LRRTM4: variants seen among roughly 807,000 people sequenced by gnomAD.
LRRTM4 encodes the protein leucine rich repeat transmembrane neuronal 4.
A neutral mutation model predicts 47.6 loss-of-function variants in LRRTM4; 25 were observed. That is an observed-to-expected ratio of 0.53 (90% CI 0.38 to 0.73). LRRTM4 has a LOEUF of 0.73. Among genes scored for constraint, LRRTM4 ranks in the 30% least tolerant of loss-of-function variants. LRRTM4 has a pLI of 0.00. For synonymous variants in LRRTM4, 311 were observed against 269.5 expected (o/e 1.15, Z -1.51); for missense variants, 638 against 713.4 (o/e 0.89, Z 1.20).
At chr2:76,803,095 A>G (rs189479802) in intron 3 of LRRTM4, among the ~76,000 whole-genome samples, 4 of 152,256 alleles carry the variant, frequency 2.6e-5, no homozygotes, top group Admixed American at 2.0e-4. Flanking sequence ...TAACTAAAGC[A>G]AAAATAGACA....
intron 3 of LRRTM4, among the ~76,000 whole-genome samples, chr2:77,264,766 A>AC (rs1676007401): frequency 1.3e-5 from 2 of 152,096 alleles, no homozygotes; most frequent in African/African-American, 4.8e-5. Context: ...CCCTTATATA[A>AC]ACACACAACA....
intron 3 of LRRTM4, among the ~76,000 whole-genome samples, chr2:77,138,338 A>G (rs1191943374): frequency 6.6e-6 from 1 of 152,184 alleles, no homozygotes; most frequent in African/African-American, 2.4e-5. Context: ...CCACTCAACT[A>G]CATGGAAACA....
chr2:77,133,154 C>A (rs1671847652), intron 3 of LRRTM4, among the ~76,000 whole-genome samples: 1 of 152,000 alleles, frequency 6.6e-6, no homozygotes, highest in Admixed American at 6.6e-5. Flanking sequence ...TTAAATTATG[C>A]CTTTGTTGAG....
At chr2:76,870,240 A>G (rs1672584246) in intron 3 of LRRTM4, among the ~76,000 whole-genome samples, 2 of 152,136 alleles carry the variant, frequency 1.3e-5, no homozygotes, top group Non-Finnish European at 2.9e-5. Flanking sequence ...GGAAGAATAT[A>G]TAGATTGCAT....
At chr2:76,816,819 G>GTTTTTTTTTTTTTTTTTTTTTT (rs201525166) in intron 3 of LRRTM4, among the ~76,000 whole-genome samples, 5 of 96,566 alleles carry the variant, frequency 5.2e-5, no homozygotes, top group Non-Finnish European at 1.0e-4. Context: ...GAGGTAAAGA[G>GTTTTTTTTTTTTTTTTTTTTTT]TTTTTTTTTT....
chr2:77,307,204 T>C (rs369834152), intron 3 of LRRTM4, among the ~76,000 whole-genome samples: 4 of 151,940 alleles, frequency 2.6e-5, no homozygotes, highest in East Asian at 1.9e-4. Context: ...CCGGCCCCCA[T>C]ATTTTTGTAG....
At chr2:76,969,054 ACTCT>A (rs1309230029) in intron 3 of LRRTM4, among the ~76,000 whole-genome samples, 2 of 151,794 alleles carry the variant, frequency 1.3e-5, no homozygotes, top group African/African-American at 2.4e-5. Context: ...AGGTTGTATT[ACTCT>A]CTATTTCACT....
intron 3 of LRRTM4, among the ~76,000 whole-genome samples, chr2:76,828,184 G>GTGATTGCC (rs1303114424): frequency 6.6e-6 from 1 of 151,944 alleles, no homozygotes; most frequent in Non-Finnish European, 1.5e-5. Context: ...GTGAGGGTAA[G>GTGATTGCC]TGATTGCCTG....
chr2:76,999,989 C>T (rs1391815628), intron 3 of LRRTM4, among the ~76,000 whole-genome samples: 1 of 152,156 alleles, frequency 6.6e-6, no homozygotes, highest in East Asian at 1.9e-4. Flanking sequence ...ATAATAGCTT[C>T]TTTCAGCTAG....
chr2:77,290,573 G>T (rs1415996328), intron 3 of LRRTM4, among the ~76,000 whole-genome samples: 2 of 151,918 alleles, frequency 1.3e-5, no homozygotes, highest in Non-Finnish European at 2.9e-5. Context: ...CAAACACTAA[G>T]AAATGATATA....
At chr2:76,852,521 C>A (rs1034832935) in intron 3 of LRRTM4, among the ~76,000 whole-genome samples, 3 of 152,056 alleles carry the variant, frequency 2.0e-5, no homozygotes, top group Non-Finnish European at 2.9e-5. Context: ...TCTGTACAAC[C>A]CTTGGATGCA....
At chr2:76,862,094 A>C (rs1672328705) in intron 3 of LRRTM4, among the ~76,000 whole-genome samples, 1 of 151,878 alleles carries the variant, frequency 6.6e-6, no homozygotes, top group Non-Finnish European at 1.5e-5. Context: ...AAATAAAGCA[A>C]GTGTTTTATT....
intron 3 of LRRTM4, among the ~76,000 whole-genome samples, chr2:76,929,655 C>T (rs147394870): frequency 1.3e-5 from 2 of 152,072 alleles, no homozygotes; most frequent in African/African-American, 4.8e-5. Context: ...CAAGTGAAGT[C>T]CAGCATAATT....
chr2:77,011,558 TG>T lies in LRRTM4; in HGVS notation c.1552-262643del, dbSNP rs1677876741. On this transcript the variant is annotated intron_variant, in intron 3 of 3. Transcript: ENST00000409884. ...GTGTGTGTGTGTGTGTGTGTGTGTG[TG>T]TGTGTGTGTGTGTGTGTGTAGAATG... Among the ~76,000 whole-genome samples, 17 of 151,556 alleles carry T rather than the reference TG, an allele frequency of 1.1e-4. No homozygotes were observed. In the South Asian group the frequency reaches 3.1e-3, roughly 28 times the overall value.
intron 3 of LRRTM4, among the ~76,000 whole-genome samples, chr2:77,514,568 A>C (rs1226293343): frequency 6.6e-6 from 1 of 152,014 alleles, no homozygotes; most frequent in Non-Finnish European, 1.5e-5. Context: ...ATACACCTAT[A>C]TTGTCACCTT....
At chr2:77,286,864 C>A (rs1676678302) in intron 3 of LRRTM4, among the ~76,000 whole-genome samples, 1 of 152,058 alleles carries the variant, frequency 6.6e-6, no homozygotes, top group Non-Finnish European at 1.5e-5. Context: ...ATTTTATTGA[C>A]TGTCTTAGAT....
chr2:76,903,919 T>A (rs1401447360), intron 3 of LRRTM4, among the ~76,000 whole-genome samples: 1 of 152,198 alleles, frequency 6.6e-6, no homozygotes, highest in Non-Finnish European at 1.5e-5. Context: ...ACAACTTAAG[T>A]GTTTTAGAAA....
chr2:76,959,257 T>A (rs760538269), intron 3 of LRRTM4, among the ~76,000 whole-genome samples: 1 of 151,730 alleles, frequency 6.6e-6, no homozygotes, highest in Non-Finnish European at 1.5e-5. Context: ...CATCATGATA[T>A]CAATTTTAAA....
chr2:77,333,869 A>G (rs995920761), intron 3 of LRRTM4, among the ~76,000 whole-genome samples: 15 of 152,286 alleles, frequency 9.8e-5, no homozygotes, highest in African/African-American at 2.6e-4. Context: ...GACACTCAGC[A>G]CCAGCCCATG....
Sources: allele counts gnomAD v4.1 joint callset (sites outside exome capture counted in the v4.1 genomes callset), GRCh38; gene constraint gnomAD v4.1.1; transcripts MANE v1.5; gene names NCBI Gene and HGNC (gene_info 2026-07-23, HGNC 2026-07-21).